The following CA5B variants were observed in gnomAD, a reference collection of about 807,000 sequenced individuals.
CA5B encodes the protein carbonic anhydrase 5B.
In CA5B, 15 loss-of-function variants were observed where a neutral mutation model predicts 23.1. That is an observed-to-expected ratio of 0.65 (90% CI 0.43 to 1.00). The LOEUF (loss-of-function observed/expected upper bound fraction) is 1.00, where lower values mean the gene tolerates loss of function less well. CA5B is among the 50% of genes least tolerant of loss of function. The probability of loss-of-function intolerance (pLI) is 0.00; values close to 1 mark genes in which losing one functional copy is unlikely to be tolerated. For synonymous variants in CA5B, 84 were observed against 98.5 expected, an observed-to-expected ratio of 0.85 and a Z score of 0.87; for missense variants, 236 against 252.2, an observed-to-expected ratio of 0.94 and a Z score of 0.43.
chrX:15,773,380 C>T lies in CA5B; in HGVS notation c.459+766C>T, dbSNP rs945159888. On this transcript the variant is annotated intron_variant, in intron 4 of 7. Transcript: ENST00000318636. ...AATCCTCCCACCTCAAGACAACAGG[C>T]GCACATCACCATGCCCTGCTAATTT... Among the ~76,000 whole-genome samples the T allele has an allele frequency of 1.3e-3, 134 of 102,646 alleles. 2 individuals carry two copies. Among genetic ancestry groups the T allele is most frequent in the African/African-American group, 4.7e-3 (131 of 27,758 alleles). The allele number at this position is 102,646 out of a possible 115,157, so 89.1% of individuals were successfully genotyped here. A position where few individuals can be genotyped will look rare whatever the true frequency, so the allele number is the denominator to read the frequency against.
Position 15,747,750 on chromosome X carries a change from A to G in CA5B, c.-53-2221A>G, listed in dbSNP as rs774212223. 3.6e-5 allele frequency among the ~76,000 whole-genome samples: 4 copies of G among 111,708 alleles called. No homozygotes were observed. In the South Asian group the frequency reaches 1.5e-3, roughly 42 times the overall value. On this transcript the variant is annotated intron_variant, in intron 1 of 7. Coordinates refer to ENST00000318636, the MANE Select transcript of CA5B (RefSeq NM_007220.4). Reference sequence around the variant, plus strand: ...TTAAGTCTGCTCAGTTAATTCAGTTAAGGAAGTTATTTGAAAACAGGGTGC... The same window carrying G: ...TTAAGTCTGCTCAGTTAATTCAGTTGAGGAAGTTATTTGAAAACAGGGTGC...
At chrX:15,759,652 T>C (rs1261662830) in intron 2 of CA5B, among the ~76,000 whole-genome samples, 1 of 106,991 alleles carries the variant, frequency 9.3e-6, no homozygotes, top group Non-Finnish European at 1.9e-5. Flanking sequence ...ACTACTCATA[T>C]AAACAACTAA....
Position 15,779,738 on chromosome X carries a change from C to A in CA5B, c.775-2747C>A, listed in dbSNP as rs191782073. ...AGTACTAGGATAAGCATAGGAAAAT[C>A]CTTTTATGCCTGCAAATGTATAGGC... On this transcript the variant is annotated intron_variant, in intron 7 of 7. Transcript: ENST00000318636. 1.4e-3 allele frequency among the ~76,000 whole-genome samples: 151 copies of A among 111,080 alleles called. 1 individual carries two copies. Among genetic ancestry groups the A allele is most frequent in the African/African-American group, 4.8e-3 (146 of 30,604 alleles).
chrX:15,764,341 C>T, intron 2 of CA5B, among the ~76,000 whole-genome samples: 1 of 109,546 alleles, frequency 9.1e-6, no homozygotes, highest in Non-Finnish European at 1.9e-5. Flanking sequence ...CTCCCGGGCT[C>T]AATCCTCCCA....
At chrX:15,747,664 T>C (rs184524066) in intron 1 of CA5B, among the ~76,000 whole-genome samples, 1 of 111,797 alleles carries the variant, frequency 8.9e-6, no homozygotes, top group African/African-American at 3.3e-5. Flanking sequence ...AGTTTTTCTT[T>C]GTTAAGAAAA....
intron 7 of CA5B, among the ~76,000 whole-genome samples, chrX:15,779,804 TA>T (rs1303790683): frequency 3.6e-5 from 4 of 111,916 alleles, no homozygotes. Flanking sequence ...TTCTTTGGAT[TA>T]AAAAATTGAC....
rs144444251 is a variant in CA5B, at chrX:15,788,286, A to T, written c.*5622A>T. On this transcript the variant is annotated 3_prime_UTR_variant, in exon 8 of 8. Transcript: ENST00000318636. ...GGGTCAGGAAGTTTTCACACTAATG[A>T]TGATGGTGATGAGATGATGTAACAG... 1 of 112,140 alleles carries T rather than the reference A, an allele frequency of 8.9e-6. No individual in the cohort carries two copies. Among genetic ancestry groups the T allele is most frequent in the East Asian group, 2.8e-4 (1 of 3,588 alleles). 9.2% of individuals were successfully genotyped at this position (112,140 alleles called of 1,213,427 possible).
intron 3 of CA5B, among the ~76,000 whole-genome samples, chrX:15,772,263 G>T (rs763450888): frequency 2.2e-3 from 246 of 112,576 alleles, no homozygotes; most frequent in African/African-American, 7.5e-3. Flanking sequence ...TCAAGAGTTG[G>T]CCTTTAACAA....
intron 5 of CA5B, among the ~76,000 whole-genome samples, chrX:15,774,599 C>T (rs908073078): frequency 9.0e-6 from 1 of 111,449 alleles, no homozygotes; most frequent in African/African-American, 3.3e-5. Flanking sequence ...TTTGGGAGGC[C>T]GAGGCAGGCA....
In CA5B at chrX:15,776,748, C is replaced by G; in HGVS notation, c.653C>G (p.Ser218Cys). ...GTGGAATTTGGGTCATTTGACCCTT[C>G]CTGCCTGATGCCTACCTGCCCAGAT... ...ALVEFGSFDP[S>C]CLMPTCPDYW... Residue 218 changes from serine (S) to cysteine (C), a missense_variant, in exon 7 of 8, where the codon TCC becomes TGC. Around this residue, in one of 3 missense-constraint regions of CA5B, gnomAD observed 170 missense variants for 162.0 expected, o/e 1.05. Transcript: ENST00000318636. 1.7e-6 allele frequency: 2 copies of G among 1,209,384 alleles called. No homozygotes were observed. The highest frequency in any genetic ancestry group is 1.8e-5 in the South Asian group (1 of 56,966).
intron 1 of CA5B, among the ~76,000 whole-genome samples, chrX:15,743,997 A>G (rs1035848099): frequency 2.7e-5 from 3 of 112,088 alleles, no homozygotes; most frequent in Non-Finnish European, 3.8e-5. Flanking sequence ...TTGGACCACT[A>G]CAAGCAATCT....
At chrX:15,751,910 C>A (rs1931363495) in intron 2 of CA5B, among the ~76,000 whole-genome samples, 1 of 111,735 alleles carries the variant, frequency 8.9e-6, no homozygotes, top group East Asian at 2.8e-4. Context: ...AATACCCCAA[C>A]AGAAGGCCAA....
chrX:15,747,865 T>C (rs1346047478), intron 1 of CA5B, among the ~76,000 whole-genome samples: 2 of 108,913 alleles, frequency 1.8e-5, no homozygotes, highest in Non-Finnish European at 3.8e-5. Context: ...CACGTGGAGT[T>C]CAGGAGAGGA....
chrX:15,771,202 T>TGC (rs1931812396), intron 3 of CA5B, among the ~76,000 whole-genome samples: 1 of 13,331 alleles, frequency 7.5e-5, no homozygotes, highest in Non-Finnish European at 1.3e-4. Flanking sequence ...ACCTCATCTC[T>TGC]ACAAAAAAAA....
intron 2 of CA5B, among the ~76,000 whole-genome samples, chrX:15,751,633 A>C (rs999406362): frequency 9.0e-6 from 1 of 110,636 alleles, no homozygotes; most frequent in African/African-American, 3.3e-5. Context: ...ACAAAAAAAA[A>C]CAAACAGTAG....
At chrX:15,738,729 C>T (rs1179528915) in intron 1 of CA5B, among the ~76,000 whole-genome samples, 1 of 111,400 alleles carries the variant, frequency 9.0e-6, no homozygotes, top group Non-Finnish European at 1.9e-5. Context: ...TCCAGAAAGT[C>T]CAGCCTTCTG....
At chrX:15,751,402 C>T (rs900187136) in intron 2 of CA5B, among the ~76,000 whole-genome samples, 1 of 112,025 alleles carries the variant, frequency 8.9e-6, no homozygotes, top group African/African-American at 3.2e-5. Flanking sequence ...TTCAAATAAA[C>T]GGACCAGAGG....
intron 1 of CA5B, among the ~76,000 whole-genome samples, chrX:15,744,844 A>G (rs2147252546): frequency 9.0e-6 from 1 of 110,921 alleles, no homozygotes; most frequent in African/African-American, 3.3e-5. Flanking sequence ...CACTAAATCA[A>G]GGCCGTCATT....
chrX:15,749,026 C>CT (rs1931301759), intron 1 of CA5B, among the ~76,000 whole-genome samples: 1 of 112,377 alleles, frequency 8.9e-6, no homozygotes, highest in Non-Finnish European at 1.9e-5. Flanking sequence ...AGCACATGGC[C>CT]TTGCAGCCAC....
Sources: gnomAD v4.1 joint callset for allele counts (sites outside exome capture counted in the v4.1 genomes callset) on GRCh38, gnomAD v4.1.1 for gene constraint, gnomAD v4.1.1 regional missense constraint, MANE v1.5 for transcripts, NCBI Gene and HGNC (gene_info 2026-07-23, HGNC 2026-07-21) for gene names.